Variants in CHD7 observed in about 807,000 individuals in gnomAD.
CHD7 encodes ATP-dependent chromatin remodeler CHD7.
CHD7 carries 24 observed loss-of-function variants against 307.3 expected under a neutral mutation model. That is an observed-to-expected ratio of 0.08 (90% CI 0.06 to 0.11). The LOEUF is 0.11. CHD7 is among the 10% of genes least tolerant of loss of function. The probability of loss-of-function intolerance (pLI) is 1.00; values close to 1 mark genes in which losing one functional copy is unlikely to be tolerated. For missense variants in CHD7, 3,106 were observed against 3,727.1 expected, an observed-to-expected ratio of 0.83 and a Z score of 4.34; for synonymous variants, 1,363 against 1,349.9, an observed-to-expected ratio of 1.01 and a Z score of -0.21.
chr8:60,758,033 C>T (rs1018514291), intron 2 of CHD7, among the ~76,000 whole-genome samples: 2 of 152,064 alleles, frequency 1.3e-5, no homozygotes, highest in African/African-American at 4.8e-5. Flanking sequence ...TTGTTATTTA[C>T]CATATCAGAA....
intron 2 of CHD7, among the ~76,000 whole-genome samples, chr8:60,749,038 A>G (rs1262601104): frequency 1.3e-5 from 2 of 151,632 alleles, no homozygotes; most frequent in African/African-American, 2.4e-5. Flanking sequence ...CTCAAGTAGC[A>G]TCAATCTTAT....
chr8:60,741,777 T>C lies in CHD7; in HGVS notation c.345T>C (p.His115=), dbSNP rs1170222706. The C allele has an allele frequency of 6.2e-7, 1 of 1,613,856 alleles. No individual in the cohort carries two copies. The highest frequency in any genetic ancestry group is 1.7e-5 in the Admixed American group (1 of 60,010). The change falls in exon 2 of 38, where the codon CAT becomes CAC. Residue 115 remains histidine (H), a synonymous_variant. Coordinates refer to ENST00000423902, the MANE Select transcript of CHD7 (RefSeq NM_017780.4). ...CCCCTCCCGTTCCTCAGGTGCCCCA[T>C]GGTGGCAGTGGTGGCGGTCAGATGG... ...YHTPPVPQVP[H]GGSGGGQMGV...
chr8:60,702,829 A>G (rs1391609574), intron 1 of CHD7, among the ~76,000 whole-genome samples: 4 of 152,108 alleles, frequency 2.6e-5, no homozygotes, highest in Non-Finnish European at 5.9e-5. Context: ...AGCTGGACTC[A>G]CCCCTGCATC....
intron 1 of CHD7, among the ~76,000 whole-genome samples, chr8:60,730,478 A>AC (rs1014399954): frequency 2.6e-4 from 39 of 152,010 alleles, no homozygotes; most frequent in Admixed American, 8.5e-4. Flanking sequence ...GGTACAGTAG[A>AC]CCCCCTGCCC....
chr8:60,771,875 T>A (rs908540080), intron 2 of CHD7, among the ~76,000 whole-genome samples: 3 of 152,154 alleles, frequency 2.0e-5, no homozygotes, highest in African/African-American at 7.2e-5. Context: ...TCAAGAAGGG[T>A]CCCCACCCTC....
chr8:60,686,484 G>T (rs946645781), intron 1 of CHD7, among the ~76,000 whole-genome samples: 1 of 152,198 alleles, frequency 6.6e-6, no homozygotes, highest in African/African-American at 2.4e-5. Flanking sequence ...CCCTGTGGAT[G>T]TGGCTTTAAT....
intron 3 of CHD7, among the ~76,000 whole-genome samples, chr8:60,790,029 G>T (rs1407807435): frequency 6.6e-6 from 1 of 152,240 alleles, no homozygotes; most frequent in Non-Finnish European, 1.5e-5. Context: ...CTACCCACCA[G>T]TGTAACCCAA....
intron 6 of CHD7, among the ~76,000 whole-genome samples, chr8:60,807,907 T>A (rs1265468087): frequency 1.3e-5 from 2 of 152,230 alleles, no homozygotes; most frequent in Non-Finnish European, 2.9e-5. Flanking sequence ...TACTTAACAC[T>A]GTGGGTTTGG....
chr8:60,848,311 G>A (rs1293142133), intron 23 of CHD7, among the ~76,000 whole-genome samples: 1 of 152,210 alleles, frequency 6.6e-6, no homozygotes, highest in African/African-American at 2.4e-5. Flanking sequence ...GTGAGCGGTT[G>A]CCAGGCAGGC....
chr8:60,787,301 C>T lies in CHD7; in HGVS notation c.2096+5871C>T, dbSNP rs933183233. Among the ~76,000 whole-genome samples the T allele has an allele frequency of 5.9e-5, 9 of 152,082 alleles. No individual in the cohort carries two copies. The South Asian group carries it at 6.2e-4, about 11-fold the overall frequency. On this transcript the variant is annotated intron_variant, in intron 3 of 37. Transcript: ENST00000423902. ...TTAGCCACCCTGGCAGATTAGAGAC[C>T]GTAATGATGAATCTAGGGAGGGGGT...
At chr8:60,704,841 C>A (rs1210410887) in intron 1 of CHD7, among the ~76,000 whole-genome samples, 1 of 151,980 alleles carries the variant, frequency 6.6e-6, no homozygotes, top group East Asian at 1.9e-4. Flanking sequence ...CAAGAGGTAC[C>A]CTTTCTCTTG....
intron 15 of CHD7, among the ~76,000 whole-genome samples, chr8:60,831,948 T>C (rs1011122750): frequency 6.6e-6 from 1 of 152,278 alleles, no homozygotes; most frequent in East Asian, 1.9e-4. Flanking sequence ...TCCTGGAAGA[T>C]AGTCTTAGAG....
intron 2 of CHD7, among the ~76,000 whole-genome samples, chr8:60,743,675 A>G (rs558721992): frequency 6.6e-6 from 1 of 152,352 alleles, no homozygotes; most frequent in East Asian, 1.9e-4. Context: ...GGTCTCTAAA[A>G]GATTTGGATA....
chr8:60,757,450 G>A, intron 2 of CHD7, among the ~76,000 whole-genome samples: 1 of 152,130 alleles, frequency 6.6e-6, no homozygotes, highest in Non-Finnish European at 1.5e-5. Context: ...GCATTAAAAT[G>A]TGTTTGTCTT....
chr8:60,706,818 AAT>A (rs896544084), intron 1 of CHD7, among the ~76,000 whole-genome samples: 59 of 151,974 alleles, frequency 3.9e-4, no homozygotes, highest in African/African-American at 1.4e-3. Context: ...ATCTTTTTAA[AAT>A]ATATATATAT....
At chr8:60,716,983 C>T (rs1807641309) in intron 1 of CHD7, among the ~76,000 whole-genome samples, 1 of 151,230 alleles carries the variant, frequency 6.6e-6, no homozygotes, top group Non-Finnish European at 1.5e-5. Flanking sequence ...TGAGACAGTC[C>T]TGATTAGCAA....
chr8:60,848,735 G>A (rs553804724), intron 24 of CHD7, 131 bp downstream of exon 24: 95 of 745,440 alleles, frequency 1.3e-4, no homozygotes, highest in Non-Finnish European at 7.1e-6. Flanking sequence ...CTTGAATGCA[G>A]TATTTGTCCT....
intron 3 of CHD7, among the ~76,000 whole-genome samples, chr8:60,793,207 G>A (rs183910755): frequency 2.0e-5 from 3 of 152,162 alleles, no homozygotes; most frequent in Admixed American, 6.5e-5. Flanking sequence ...CATGTGTAGC[G>A]TAAACACTAG....
chr8:60,741,292 G>T lies in CHD7; in HGVS notation c.-141G>T, dbSNP rs1563558496. The T allele has an allele frequency of 1.4e-6, 1 of 695,178 alleles. No individual in the cohort carries two copies. The highest frequency in any genetic ancestry group is 2.7e-5 in the East Asian group (1 of 36,890). 43.1% of individuals were successfully genotyped at this position (695,178 alleles called of 1,614,324 possible). ...TCCAGACTTTGCCTGACACTGCAGG[G>T]TCCAAGAGAATTAAAGAAATATGGA... is the stretch of plus-strand genomic sequence containing the variant. On this transcript the variant is annotated 5_prime_UTR_variant, in exon 2 of 38. Transcript: ENST00000423902.
Sources: gnomAD v4.1 joint callset for allele counts (sites outside exome capture counted in the v4.1 genomes callset) on GRCh38, gnomAD v4.1.1 for gene constraint, MANE v1.5 for transcripts, NCBI Gene and HGNC (gene_info 2026-07-23, HGNC 2026-07-21) for gene names.